COL26A1: variants seen among roughly 807,000 people sequenced by gnomAD.
COL26A1 encodes collagen alpha-1(XXVI) chain.
COL26A1 carries 41 observed loss-of-function variants against 59.3 expected under a neutral mutation model. The ratio of observed to expected loss-of-function variants is 0.69; its 90% CI spans 0.54 to 0.90. COL26A1 has a LOEUF of 0.90. COL26A1 is among the 40% of genes least tolerant of loss of function. COL26A1 has a pLI of 0.00. For synonymous variants in COL26A1, 266 were observed against 256.0 expected (o/e 1.04, Z -0.37); for missense variants, 612 against 602.3 (o/e 1.02, Z -0.17).
intron 2 of COL26A1, among the ~76,000 whole-genome samples, chr7:101,438,047 C>G (rs1792959189): frequency 6.9e-6 from 1 of 143,994 alleles, no homozygotes; most frequent in Non-Finnish European, 1.6e-5. Context: ...AGGAGAGGTT[C>G]AAGGACATTT....
chr7:101,402,725 CCTT>C (rs546474187), intron 1 of COL26A1, among the ~76,000 whole-genome samples: 135 of 127,970 alleles, frequency 1.1e-3, no homozygotes, highest in African/African-American at 3.6e-3. Context: ...CTCTTTCTCT[CCTT>C]CTTTCCCTTC....
rs74300410 is a variant in COL26A1 at position 101,381,232 on chromosome 7, T to G, written c.158+18042T>G. 3.7e-3 allele frequency among the ~76,000 whole-genome samples: 563 copies of G among 152,304 alleles called. 11 individuals carry two copies. In the East Asian group the frequency reaches 0.056, roughly 15 times the overall value. On this transcript the variant is annotated intron_variant, in intron 1 of 12. Coordinates refer to ENST00000313669, the MANE Select transcript of COL26A1 (RefSeq NM_001278563.3). The stretch of plus-strand genomic sequence containing the variant: ...TCCATGCCTTTTCCAGCTTCTAGAA[T>G]TTATCAGCATTCCTTGACTTGTACC...
At position 101,557,371 on chromosome 7, in the gene COL26A1, T is replaced by C. The variant is rs770900110; in HGVS notation, c.1167T>C (p.Asp389=). ...TCCACCCTCCTGCTCTCCTTCCAGA[T>C]CCCCTGGCCTCCCCAGAGGGAGGTT... The part of the protein sequence containing the change: ...LILEHMIGIH[D]PLASPEGGSG... Residue 389 remains aspartate, a splice_region_variant and synonymous_variant, in exon 13 of 13, where the codon GAT becomes GAC. Coordinates refer to ENST00000313669, the MANE Select transcript of COL26A1 (RefSeq NM_001278563.3). 9 of 1,611,706 alleles carry C rather than the reference T, an allele frequency of 5.6e-6. No individual in the cohort carries two copies. The Admixed American group carries it at 1.3e-4, about 24-fold the overall frequency.
rs558871564 is a variant in COL26A1, at chr7:101,447,558, T to G, written c.282-126T>G. 8.4e-5 allele frequency: 54 copies of G among 642,142 alleles called. No homozygotes were observed. The African/African-American group carries it at 9.2e-4, about 11-fold the overall frequency. 39.8% of individuals were successfully genotyped at this position (642,142 alleles called of 1,614,324 possible). A position where few individuals can be genotyped will look rare whatever the true frequency, so the allele number is the denominator to read the frequency against. On this transcript the variant is annotated intron_variant, in intron 2 of 12. Transcript: ENST00000313669. ...CAGTGAACACGGACCCCGGCAGTGG[T>G]TTCCACGCCATGGGGGCCTCCCGGA...
chr7:101,497,390 C>G (rs1425929361), intron 3 of COL26A1, among the ~76,000 whole-genome samples: 1 of 151,924 alleles, frequency 6.6e-6, no homozygotes, highest in East Asian at 1.9e-4. Flanking sequence ...GGTATTTAAC[C>G]CTGGCCACAT....
At chr7:101,376,006 AG>A (rs1185983101) in intron 1 of COL26A1, among the ~76,000 whole-genome samples, 6 of 148,834 alleles carry the variant, frequency 4.0e-5, no homozygotes, top group Admixed American at 2.7e-4. Flanking sequence ...AAAAAAAAAA[AG>A]AAAATTAGCC....
chr7:101,488,216 G>A (rs1374561886), intron 3 of COL26A1, among the ~76,000 whole-genome samples: 1 of 150,884 alleles, frequency 6.6e-6, no homozygotes, highest in Non-Finnish European at 1.5e-5. Context: ...TGGAGGCAGA[G>A]GTTGCAGTGA....
chr7:101,445,922 C>A (rs1793182299), intron 2 of COL26A1, among the ~76,000 whole-genome samples: 1 of 150,612 alleles, frequency 6.6e-6, no homozygotes, highest in African/African-American at 2.4e-5. Context: ...GTGGCATGTG[C>A]CTGTAATCCC....
At chr7:101,550,198 C>T (rs113493311) in intron 9 of COL26A1, among the ~76,000 whole-genome samples, 2,158 of 152,244 alleles carry the variant, frequency 0.014, 49 homozygotes, top group African/African-American at 0.049. Context: ...AGATGGCTGA[C>T]GCCTGTAATC....
Position 101,558,751 on chromosome 7 carries a change from C to T in COL26A1, c.*1221C>T, listed in dbSNP as rs1796040393. 1 of 152,330 alleles carries T rather than the reference C, an allele frequency of 6.6e-6. No homozygotes were observed. The highest frequency in any genetic ancestry group is 1.5e-5 in the Non-Finnish European group (1 of 68,168). 9.4% of individuals were successfully genotyped at this position (152,330 alleles called of 1,614,324 possible). A position where few individuals can be genotyped will look rare whatever the true frequency, so the allele number is the denominator to read the frequency against. ...TGTTCCTCTCTTGCTGGGCTGGGACCTGGGACACAGCCACGGCAGCAAACT... is the reference window on the plus strand; with the variant it reads ...TGTTCCTCTCTTGCTGGGCTGGGACTTGGGACACAGCCACGGCAGCAAACT... On this transcript the variant is annotated 3_prime_UTR_variant, in exon 13 of 13. Transcript: ENST00000313669.
chr7:101,514,373 A>G (rs902529796), intron 3 of COL26A1, among the ~76,000 whole-genome samples: 2 of 152,084 alleles, frequency 1.3e-5, no homozygotes, highest in African/African-American at 4.8e-5. Flanking sequence ...CAATAAAAAA[A>G]ATAAACCACA....
chr7:101,459,124 C>G (rs1370153441), intron 3 of COL26A1, among the ~76,000 whole-genome samples: 1 of 152,000 alleles, frequency 6.6e-6, no homozygotes, highest in Non-Finnish European at 1.5e-5. Context: ...GAACAGGGAT[C>G]TTTTTGTTCC....
intron 1 of COL26A1, among the ~76,000 whole-genome samples, chr7:101,384,328 CG>C (rs1791519476): frequency 6.6e-6 from 1 of 151,284 alleles, no homozygotes; most frequent in African/African-American, 2.4e-5. Flanking sequence ...CCTCCGCCTC[CG>C]GGGTTCAAAC....
chr7:101,394,159 G>A (rs1386099321), intron 1 of COL26A1, among the ~76,000 whole-genome samples: 1 of 152,052 alleles, frequency 6.6e-6, no homozygotes, highest in African/African-American at 2.4e-5. Flanking sequence ...GTAGCAAGAG[G>A]GCCAGAGTGA....
chr7:101,442,118 C>T (rs1223761022), intron 2 of COL26A1, among the ~76,000 whole-genome samples: 1 of 152,222 alleles, frequency 6.6e-6, no homozygotes, highest in Non-Finnish European at 1.5e-5. Flanking sequence ...CAAACAACAG[C>T]AGCTTGGCCC....
chr7:101,553,917 C>T (rs1025354825), intron 11 of COL26A1, among the ~76,000 whole-genome samples: 5 of 151,584 alleles, frequency 3.3e-5, no homozygotes, highest in Non-Finnish European at 7.4e-5. Flanking sequence ...AGCCAGGGCA[C>T]GGGCTTGGCT....
At chr7:101,544,847 A>C (rs1483710035) in intron 6 of COL26A1, among the ~76,000 whole-genome samples, 1 of 152,106 alleles carries the variant, frequency 6.6e-6, no homozygotes, top group African/African-American at 2.4e-5. Flanking sequence ...CAGGGTCTTC[A>C]GGGGCTTCGG....
intron 5 of COL26A1, among the ~76,000 whole-genome samples, chr7:101,543,740 C>T (rs879732330): frequency 5.9e-5 from 9 of 152,216 alleles, no homozygotes; most frequent in Admixed American, 2.6e-4. Context: ...GACCAACCTT[C>T]CTGAGCCTCA....
intron 3 of COL26A1, among the ~76,000 whole-genome samples, chr7:101,510,542 G>A (rs1236910256): frequency 6.6e-6 from 1 of 152,166 alleles, no homozygotes; most frequent in African/African-American, 2.4e-5. Flanking sequence ...CACAGCTGCA[G>A]AGACAGGGCG....
Sources: gnomAD v4.1 joint callset for allele counts (sites outside exome capture counted in the v4.1 genomes callset) on GRCh38, gnomAD v4.1.1 for gene constraint, MANE v1.5 for transcripts, NCBI Gene and HGNC (gene_info 2026-07-23, HGNC 2026-07-21) for gene names.